Variants in MGAT3 observed in about 807,000 individuals in gnomAD.
MGAT3 encodes the protein GlcNAc-T III.
A neutral mutation model predicts 29.8 loss-of-function variants in MGAT3; 9 were observed. That is an observed-to-expected ratio of 0.30 (90% confidence interval 0.18 to 0.53). The LOEUF is 0.53. Ranked by LOEUF, MGAT3 falls within the 20% of genes least tolerant of loss-of-function variation. The probability of loss-of-function intolerance (pLI) is 0.96; values close to 1 mark genes in which losing one functional copy is unlikely to be tolerated. For missense variants in MGAT3, 557 were observed against 769.5 expected (o/e 0.72, Z 3.27); for synonymous variants, 397 against 348.9 (o/e 1.14, Z -1.54).
intron 1 of MGAT3, among the ~76,000 whole-genome samples, chr22:39,464,340 T>G (rs770383451): frequency 6.6e-6 from 1 of 152,106 alleles, no homozygotes; most frequent in Non-Finnish European, 1.5e-5. Flanking sequence ...CAGGGAGAGC[T>G]GCAGGTGACT....
rs534945868 is a variant in MGAT3 at position 39,478,481 on chromosome 22, G to C, written c.-1-8866G>C. Among the ~76,000 whole-genome samples, 63 of 152,350 alleles carry C rather than the reference G, an allele frequency of 4.1e-4. 1 individual carries two copies. The highest frequency in any genetic ancestry group is 1.4e-3 in the African/African-American group (58 of 41,592). On this transcript the variant is annotated intron_variant, in intron 1 of 1. Transcript: ENST00000341184. ...GAAGGGGCCAGAGGGTGGTGGACAG[G>C]GGAACCGGCTGTTAAGACATGAGCC...
intron 1 of MGAT3, among the ~76,000 whole-genome samples, chr22:39,462,782 C>A (rs1461610692): frequency 6.6e-6 from 1 of 152,232 alleles, no homozygotes; most frequent in African/African-American, 2.4e-5. Context: ...CACTTATTTT[C>A]ATCTTTTCTA....
In MGAT3 at chr22:39,488,517, C is replaced by G; in HGVS notation, c.1170C>G (p.Pro390=). The stretch of plus-strand genomic sequence containing the variant: ...GCCGCCGCCAGTACTACACCATGCC[C>G]AACTTCAGACAGTATGAGAACCGCA... The part of the protein sequence containing the change: ...RLRRRQYYTM[P]NFRQYENRTG... The change falls in exon 2 of 2, where the codon CCC becomes CCG. Residue 390 remains proline (P), a synonymous_variant. Coordinates refer to ENST00000341184, the MANE Select transcript of MGAT3 (RefSeq NM_002409.5). 1.2e-6 allele frequency: 2 copies of G among 1,613,274 alleles called. No individual in the cohort carries two copies. The highest frequency in any genetic ancestry group is 1.3e-5 in the African/African-American group (1 of 75,066).
At chr22:39,458,372 G>T (rs190233788) in intron 1 of MGAT3, among the ~76,000 whole-genome samples, 1 of 152,202 alleles carries the variant, frequency 6.6e-6, no homozygotes, top group Non-Finnish European at 1.5e-5. Context: ...GCCCCTGATG[G>T]GGTGTGGGCA....
chr22:39,491,463 C>T lies in MGAT3; in HGVS notation c.*2514C>T, dbSNP rs1426670208. ...GGCCTGGGGCCTCCCTCCTTGGCAG[C>T]TTTCCCACCCCCACGCCCCTGGCAT... On this transcript the variant is annotated 3_prime_UTR_variant, in exon 2 of 2. Transcript: ENST00000341184. This position sits in a 1 kb window ranked among gnomAD's most constrained non-coding sequence, Gnocchi z 5.5. 6.0e-6 allele frequency: 1 copy of T among 167,294 alleles called. No homozygotes were observed. The highest frequency in any genetic ancestry group is 1.5e-5 in the Non-Finnish European group (1 of 68,322). The allele number at this position is 167,294 out of a possible 1,614,324, so 10.4% of individuals were successfully genotyped here. A position where few individuals can be genotyped will look rare whatever the true frequency, so the allele number is the denominator to read the frequency against.
intron 1 of MGAT3, among the ~76,000 whole-genome samples, chr22:39,479,324 C>A (rs1293905732): frequency 6.6e-6 from 1 of 152,146 alleles, no homozygotes; most frequent in Non-Finnish European, 1.5e-5. Flanking sequence ...GCCTGGGTAA[C>A]AAAGAAAGAC....
At chr22:39,468,230 A>G (rs1230968115) in intron 1 of MGAT3, among the ~76,000 whole-genome samples, 2 of 152,118 alleles carry the variant, frequency 1.3e-5, no homozygotes, top group South Asian at 2.1e-4. Flanking sequence ...CCCAGGGGCA[A>G]CGCTGCCACC....
At chr22:39,462,288 G>C (rs1928520305) in intron 1 of MGAT3, among the ~76,000 whole-genome samples, 1 of 152,330 alleles carries the variant, frequency 6.6e-6, no homozygotes, top group Non-Finnish European at 1.5e-5. Flanking sequence ...TCAGCTCCCA[G>C]AGTATCACGC....
chr22:39,467,427 G>GGCCTT (rs1928679954), intron 1 of MGAT3, among the ~76,000 whole-genome samples: 1 of 152,118 alleles, frequency 6.6e-6, no homozygotes, highest in Non-Finnish European at 1.5e-5. Context: ...AGCTGGACTG[G>GGCCTT]GCCTTCTCGC....
chr22:39,469,865 G>A (rs754369666), intron 1 of MGAT3, among the ~76,000 whole-genome samples: 1 of 152,236 alleles, frequency 6.6e-6, no homozygotes, highest in African/African-American at 2.4e-5. Context: ...GCAGGGCGGC[G>A]CTGAACTCAG....
At chr22:39,469,549 C>T (rs1365880927) in intron 1 of MGAT3, among the ~76,000 whole-genome samples, 1 of 152,222 alleles carries the variant, frequency 6.6e-6, no homozygotes, top group African/African-American at 2.4e-5. Flanking sequence ...CCGCTCCCCA[C>T]TGCCTAGGAC....
intron 1 of MGAT3, among the ~76,000 whole-genome samples, chr22:39,460,027 A>C (rs738290): frequency 0.53 from 81,340 of 152,144 alleles, 23,305 homozygotes; most frequent in East Asian, 0.92. Context: ...AGACTACATA[A>C]GCAGTGAGGA....
intron 1 of MGAT3, among the ~76,000 whole-genome samples, chr22:39,460,909 G>A (rs889707404): frequency 6.6e-6 from 1 of 151,940 alleles, no homozygotes; most frequent in African/African-American, 2.4e-5. Flanking sequence ...CGAGTCTCCC[G>A]ATTCACCCCT....
intron 1 of MGAT3, among the ~76,000 whole-genome samples, chr22:39,481,902 G>A (rs1395160563): frequency 6.6e-6 from 1 of 152,204 alleles, no homozygotes; most frequent in Admixed American, 6.5e-5. Context: ...TGTCTGGCAT[G>A]TCAGCCTCAG....
chr22:39,469,355 A>T (rs1928744889), intron 1 of MGAT3, among the ~76,000 whole-genome samples: 1 of 152,098 alleles, frequency 6.6e-6, no homozygotes, highest in Non-Finnish European at 1.5e-5. Context: ...TCAGGCCAGA[A>T]AGCCAGGCCT....
intron 1 of MGAT3, among the ~76,000 whole-genome samples, chr22:39,479,067 C>T (rs1337531612): frequency 6.6e-6 from 1 of 152,236 alleles, no homozygotes; most frequent in Non-Finnish European, 1.5e-5. Flanking sequence ...CAGGACCGGC[C>T]AGAGGCGGTG....
chr22:39,463,680 G>C (rs1220246235), intron 1 of MGAT3, among the ~76,000 whole-genome samples: 1 of 152,112 alleles, frequency 6.6e-6, no homozygotes, highest in Non-Finnish European at 1.5e-5. Context: ...GGGAGGCTGA[G>C]GCAGGAGGAT....
chr22:39,477,988 T>C, intron 1 of MGAT3, among the ~76,000 whole-genome samples: 1 of 152,186 alleles, frequency 6.6e-6, no homozygotes, highest in Non-Finnish European at 1.5e-5. Context: ...GATCTGGCCA[T>C]TGTGGCCACT....
intron 1 of MGAT3, among the ~76,000 whole-genome samples, chr22:39,481,886 G>C (rs1343590830): frequency 6.6e-6 from 1 of 152,214 alleles, no homozygotes; most frequent in Non-Finnish European, 1.5e-5. Context: ...AACAAGCTTA[G>C]GACAGTGTCT....
Sources: allele counts gnomAD v4.1 joint callset (sites outside exome capture counted in the v4.1 genomes callset), GRCh38; gene constraint gnomAD v4.1.1; non-coding constraint Gnocchi (gnomAD v3.1); transcripts MANE v1.5; gene names NCBI Gene and HGNC (gene_info 2026-07-23, HGNC 2026-07-21).